The following M1AP variants were observed in gnomAD, a reference collection of about 807,000 sequenced individuals.
M1AP encodes the protein meiosis 1 arrest protein.
M1AP carries 39 observed loss-of-function variants against 51.2 expected under a neutral mutation model. The ratio of observed to expected loss-of-function variants is 0.76; its 90% CI spans 0.59 to 1.00. M1AP has a LOEUF of 1.00. M1AP is among the 50% of genes least tolerant of loss of function. M1AP has a pLI of 0.00. For synonymous variants in M1AP, 251 were observed against 249.2 expected, an observed-to-expected ratio of 1.01 and a Z score of -0.07; for missense variants, 545 against 641.2, an observed-to-expected ratio of 0.85 and a Z score of 1.62.
intron 4 of M1AP, among the ~76,000 whole-genome samples, chr2:74,584,627 A>G (rs1167610301): frequency 6.6e-6 from 1 of 151,350 alleles, no homozygotes; most frequent in African/African-American, 2.4e-5. Flanking sequence ...AATGTGAGGG[A>G]GCAATGCAAA....
At chr2:74,575,981 G>A (rs72818093) in intron 6 of M1AP, among the ~76,000 whole-genome samples, 1 of 152,242 alleles carries the variant, frequency 6.6e-6, no homozygotes, top group Non-Finnish European at 1.5e-5. Context: ...GCTTCCCAGA[G>A]TGGCTGGGAT....
chr2:74,561,068 A>T, intron 8 of M1AP, among the ~76,000 whole-genome samples: 1 of 132,086 alleles, frequency 7.6e-6, no homozygotes, highest in African/African-American at 3.0e-5. Context: ...GGAGGGGAGG[A>T]GGAGGAGGAG....
Position 74,600,657 on chromosome 2 carries a change from T to C in M1AP, c.595+6398A>G, listed in dbSNP as rs140945507. Among the ~76,000 whole-genome samples, 30 of 152,202 alleles carry C rather than the reference T, an allele frequency of 2.0e-4. No individual in the cohort carries two copies. The East Asian group carries it at 5.8e-3, about 29-fold the overall frequency. On this transcript the variant is annotated intron_variant, in intron 4 of 10. Coordinates refer to ENST00000421985, the MANE Select transcript of M1AP (RefSeq NM_001321739.2). The stretch of plus-strand genomic sequence containing the variant: ...TTGAACAGACAGTTCCTAGTTCTCC[T>C]TCAAGAGGAAAAGAGGAAAGAGGAA...
At chr2:74,590,136 C>T (rs6546913) in intron 4 of M1AP, among the ~76,000 whole-genome samples, 13,008 of 152,234 alleles carry the variant, frequency 0.085, 1,580 homozygotes, top group African/African-American at 0.27. Flanking sequence ...CAAAATACCA[C>T]AAACCAGTGG....
intron 4 of M1AP, among the ~76,000 whole-genome samples, chr2:74,606,542 T>C (rs1681011527): frequency 1.3e-5 from 2 of 152,116 alleles, no homozygotes; most frequent in African/African-American, 4.8e-5. Flanking sequence ...TGTATGTGTA[T>C]ATATGTATCT....
intron 7 of M1AP, among the ~76,000 whole-genome samples, chr2:74,574,818 C>T (rs1054821523): frequency 6.6e-6 from 1 of 152,218 alleles, no homozygotes; most frequent in Non-Finnish European, 1.5e-5. Flanking sequence ...GGTCTTTGCA[C>T]ATGCCTTTCC....
intron 4 of M1AP, among the ~76,000 whole-genome samples, chr2:74,591,128 A>AC (rs1680015811): frequency 6.6e-6 from 1 of 152,238 alleles, no homozygotes; most frequent in African/African-American, 2.4e-5. Flanking sequence ...AAGGGATGAT[A>AC]GAGTATAAAG....
chr2:74,640,079 A>G lies in M1AP; in HGVS notation c.197T>C (p.Leu66Ser), dbSNP rs369692295. ...CTCATGCTGATCTTGTACCATGTAT[A>G]AACTGAACAGGGACATGCGGCTGGG... ...MGPSRMSLFS[L>S]YMVQDQHECI... Residue 66 changes from leucine to serine, a missense_variant, in exon 2 of 11, where the codon TTA (leucine) becomes TCA (serine). Leu to Ser is a moderately radical substitution (Grantham distance 145, BLOSUM62 -2). Transcript: ENST00000421985. 99 of 1,614,100 alleles carry G rather than the reference A, an allele frequency of 6.1e-5. No homozygotes were observed. Among genetic ancestry groups the G allele is most frequent in the Non-Finnish European group, 9.3e-6 (11 of 1,180,034 alleles).
chr2:74,591,686 A>G (rs1045179981), intron 4 of M1AP, among the ~76,000 whole-genome samples: 3 of 152,194 alleles, frequency 2.0e-5, no homozygotes, highest in African/African-American at 7.2e-5. Context: ...AGGTGAAAAT[A>G]AATGTAAGTG....
At chr2:74,641,401 C>G (rs770246000) in intron 1 of M1AP, among the ~76,000 whole-genome samples, 15 of 152,252 alleles carry the variant, frequency 9.9e-5, no homozygotes, top group Middle Eastern at 3.4e-3. Flanking sequence ...ATCACAAATG[C>G]TCAAACGTGA....
chr2:74,615,250 C>A, intron 2 of M1AP, 101 bp from the exon 3 acceptor site: 1 of 1,064,492 alleles, frequency 9.4e-7, no homozygotes, highest in Non-Finnish European at 1.4e-6. Flanking sequence ...GAAGTTCCTT[C>A]CCTTCCTGAA....
At chr2:74,596,271 G>A (rs777353780) in intron 4 of M1AP, among the ~76,000 whole-genome samples, 2 of 152,124 alleles carry the variant, frequency 1.3e-5, no homozygotes, top group African/African-American at 2.4e-5. Context: ...TAAATGGATG[G>A]GAAAGGATGA....
intron 4 of M1AP, among the ~76,000 whole-genome samples, chr2:74,595,392 C>G (rs1484463624): frequency 6.6e-6 from 1 of 152,092 alleles, no homozygotes; most frequent in African/African-American, 2.4e-5. Context: ...CACTCTGTCA[C>G]CCAGGCTGGA....
intron 2 of M1AP, among the ~76,000 whole-genome samples, chr2:74,639,419 A>G (rs1683166412): frequency 6.6e-6 from 1 of 152,228 alleles, no homozygotes. Flanking sequence ...AATTTTATAC[A>G]AGGGAGAAAG....
chr2:74,558,586 T>C lies in M1AP; in HGVS notation c.*130A>G, dbSNP rs1677668574. The C allele has an allele frequency of 9.4e-7, 1 of 1,068,478 alleles. No homozygotes were observed. 66.2% of individuals were successfully genotyped at this position (1,068,478 alleles called of 1,614,324 possible). ...GCACTGAAACAGGACAGGAAGGCTG[T>C]TGTTTCCCAGTCAGCCCTCACTCAC... is the stretch of plus-strand genomic sequence containing the variant. On this transcript the variant is annotated 3_prime_UTR_variant, in exon 11 of 11. Transcript: ENST00000421985.
intron 7 of M1AP, among the ~76,000 whole-genome samples, chr2:74,565,110 C>G (rs1678290370): frequency 6.6e-6 from 1 of 152,032 alleles, no homozygotes; most frequent in African/African-American, 2.4e-5. Flanking sequence ...GTAATCCCAG[C>G]TACTCAGGAG....
At chr2:74,626,260 T>G (rs979595891) in intron 2 of M1AP, among the ~76,000 whole-genome samples, 14 of 148,972 alleles carry the variant, frequency 9.4e-5, no homozygotes, top group African/African-American at 3.5e-4. Context: ...TATTTCAGTT[T>G]TTTTTTTTTT....
intron 2 of M1AP, among the ~76,000 whole-genome samples, chr2:74,623,556 A>C (rs1161802671): frequency 6.6e-6 from 1 of 152,128 alleles, no homozygotes; most frequent in East Asian, 1.9e-4. Context: ...ACATACCCTC[A>C]GACATTTAAA....
intron 7 of M1AP, among the ~76,000 whole-genome samples, chr2:74,574,817 ACATGCCTTT>A (rs1417440030): frequency 6.6e-6 from 1 of 152,136 alleles, no homozygotes; most frequent in Non-Finnish European, 1.5e-5. Context: ...GGGTCTTTGC[ACATGCCTTT>A]CCTTACACCT....
Sources: allele counts gnomAD v4.1 joint callset (sites outside exome capture counted in the v4.1 genomes callset), GRCh38; gene constraint gnomAD v4.1.1; transcripts MANE v1.5; gene names NCBI Gene and HGNC (gene_info 2026-07-23, HGNC 2026-07-21).